The following PCDH7 variants were observed in gnomAD, a reference collection of about 807,000 sequenced individuals.
PCDH7 encodes the protein protocadherin 7.
PCDH7 carries 17 observed loss-of-function variants against 58.9 expected under a neutral mutation model. That is an observed-to-expected ratio of 0.29 (90% CI 0.20 to 0.43). The LOEUF is 0.43. Among genes scored for constraint, PCDH7 ranks in the 20% least tolerant of loss-of-function variants. PCDH7 has a pLI of 1.00. For missense variants in PCDH7, 1,274 were observed against 1,441.0 expected (o/e 0.88, Z 1.88); for synonymous variants, 664 against 616.4 (o/e 1.08, Z -1.14).
Position 30,997,081 on chromosome 4 carries a change from CTT to C in PCDH7, c.*7+46877_*7+46878del, listed in dbSNP as rs34696642. Reference sequence around the variant, plus strand: ...ACAAGCTGAATGTTTTCCTTCTTTTCTTTTTTTTTTTTGTTTTACATCAGTGT... The same window carrying C: ...ACAAGCTGAATGTTTTCCTTCTTTTCTTTTTTTTTTGTTTTACATCAGTGT... On this transcript the variant is annotated intron_variant, in intron 3 of 3. Transcript: ENST00000509759. Among the ~76,000 whole-genome samples the C allele has an allele frequency of 1.4e-4, 20 of 145,924 alleles. No homozygotes were observed. The South Asian group carries it at 1.7e-3, about 12-fold the overall frequency.
intron 3 of PCDH7, among the ~76,000 whole-genome samples, chr4:31,053,626 G>A (rs773560943): frequency 6.2e-4 from 94 of 152,192 alleles, no homozygotes; most frequent in Middle Eastern, 3.4e-3. Flanking sequence ...CTTCTGCTGA[G>A]TCATCTCTGC....
intron 3 of PCDH7, among the ~76,000 whole-genome samples, chr4:31,054,123 G>T (rs1161113542): frequency 2.6e-5 from 4 of 152,022 alleles, no homozygotes; most frequent in African/African-American, 9.7e-5. Context: ...ATACCACCAT[G>T]CCCAGCCAAT....
chr4:30,786,943 G>C (rs1560369413), intron 1 of PCDH7, among the ~76,000 whole-genome samples: 1 of 151,928 alleles, frequency 6.6e-6, no homozygotes, highest in Non-Finnish European at 1.5e-5. Context: ...AACAAAAAAG[G>C]CTTTAAAATA....
At chr4:30,973,593 T>C (rs1749791513) in intron 3 of PCDH7, among the ~76,000 whole-genome samples, 1 of 152,074 alleles carries the variant, frequency 6.6e-6, no homozygotes. Context: ...GCAGGGAGGA[T>C]AATGATGGTA....
At chr4:30,847,585 A>G (rs1426889452) in intron 1 of PCDH7, among the ~76,000 whole-genome samples, 7 of 152,180 alleles carry the variant, frequency 4.6e-5, no homozygotes, top group Non-Finnish European at 1.0e-4. Flanking sequence ...CCAAGTGAAC[A>G]TGGAATTTTT....
chr4:30,728,906 C>T (rs187675221), intron 1 of PCDH7, among the ~76,000 whole-genome samples: 66 of 151,386 alleles, frequency 4.4e-4, no homozygotes, highest in African/African-American at 1.6e-3. Flanking sequence ...CCATTTATAG[C>T]TGTATTAGTC....
chr4:30,772,737 T>C (rs6820160), intron 1 of PCDH7, among the ~76,000 whole-genome samples: 60,683 of 152,000 alleles, frequency 0.4, 13,096 homozygotes, highest in African/African-American at 0.57. Context: ...AAACACTTAC[T>C]GTGTGCCCAA....
At chr4:31,050,766 G>T (rs1756670185) in intron 3 of PCDH7, among the ~76,000 whole-genome samples, 1 of 152,134 alleles carries the variant, frequency 6.6e-6, no homozygotes, top group African/African-American at 2.4e-5. Context: ...TAATTAAGTA[G>T]ATAACATTTG....
intron 1 of PCDH7, among the ~76,000 whole-genome samples, chr4:30,772,136 C>T (rs1044085463): frequency 6.6e-6 from 1 of 152,156 alleles, no homozygotes; most frequent in Non-Finnish European, 1.5e-5. Flanking sequence ...TCCAAAAGTG[C>T]TGGGATTACA....
chr4:30,832,396 A>G (rs190072659), intron 1 of PCDH7, among the ~76,000 whole-genome samples: 36 of 152,288 alleles, frequency 2.4e-4, no homozygotes, highest in African/African-American at 8.7e-4. Flanking sequence ...GAAACTAAAT[A>G]TCTTGTAAGC....
intron 1 of PCDH7, among the ~76,000 whole-genome samples, chr4:30,816,926 G>T (rs1398663145): frequency 6.6e-6 from 1 of 152,068 alleles, no homozygotes; most frequent in Non-Finnish European, 1.5e-5. Context: ...TCATCAGCTG[G>T]CTTCATTATG....
intron 3 of PCDH7, among the ~76,000 whole-genome samples, chr4:31,135,369 A>T (rs1228905351): frequency 6.6e-6 from 1 of 152,178 alleles, no homozygotes; most frequent in Non-Finnish European, 1.5e-5. Context: ...ATTTTGAGCA[A>T]CCATGACACG....
chr4:30,830,669 G>C (rs1252899648), intron 1 of PCDH7, among the ~76,000 whole-genome samples: 2 of 151,952 alleles, frequency 1.3e-5, no homozygotes, highest in African/African-American at 4.8e-5. Context: ...TAGATCTTGG[G>C]ATTTGGGAGG....
At chr4:30,916,096 C>T (rs1050707146) in intron 1 of PCDH7, among the ~76,000 whole-genome samples, 4 of 152,034 alleles carry the variant, frequency 2.6e-5, no homozygotes, top group Non-Finnish European at 5.9e-5. Context: ...GGAGCACCCT[C>T]GAAACCCTGG....
chr4:30,897,684 G>T (rs1005032047), intron 1 of PCDH7, among the ~76,000 whole-genome samples: 4 of 152,176 alleles, frequency 2.6e-5, no homozygotes, highest in African/African-American at 9.7e-5. Context: ...ATGGTAGAGA[G>T]TAAATGTAAT....
chr4:30,725,775 G>A (rs1714531440), intron 1 of PCDH7, among the ~76,000 whole-genome samples: 1 of 152,026 alleles, frequency 6.6e-6, no homozygotes, highest in Non-Finnish European at 1.5e-5. Flanking sequence ...AAGAATTGAG[G>A]CAAAGGAAAA....
chr4:31,043,227 A>G (rs566197413), intron 3 of PCDH7, among the ~76,000 whole-genome samples: 1 of 152,178 alleles, frequency 6.6e-6, no homozygotes, highest in Non-Finnish European at 1.5e-5. Flanking sequence ...GCATAAAATA[A>G]TGTGCTTCAA....
chr4:31,019,267 A>G (rs899733062), intron 3 of PCDH7, among the ~76,000 whole-genome samples: 1 of 152,210 alleles, frequency 6.6e-6, no homozygotes, highest in African/African-American at 2.4e-5. Context: ...ATGATTTGCT[A>G]GAGTTATATT....
chr4:30,819,270 G>A (rs1344021451), intron 1 of PCDH7, among the ~76,000 whole-genome samples: 2 of 152,138 alleles, frequency 1.3e-5, no homozygotes, highest in Non-Finnish European at 2.9e-5. Context: ...GGGGAACCTA[G>A]GCCTGGCTCT....
Sources: gnomAD v4.1 joint callset for allele counts (sites outside exome capture counted in the v4.1 genomes callset) on GRCh38, gnomAD v4.1.1 for gene constraint, MANE v1.5 for transcripts, NCBI Gene and HGNC (gene_info 2026-07-23, HGNC 2026-07-21) for gene names.